Variants in RANBP17 observed in about 807,000 individuals in gnomAD.
The protein encoded by RANBP17 is RAN binding protein 17.
RANBP17 carries 158 observed loss-of-function variants against 141.2 expected under a neutral mutation model. That is an observed-to-expected ratio of 1.12 (90% CI 0.98 to 1.28). The LOEUF (loss-of-function observed/expected upper bound fraction) is 1.28, where lower values mean the gene tolerates loss of function less well. Ranked by LOEUF, RANBP17 falls within the 50% of genes most tolerant of loss-of-function variation. The probability of loss-of-function intolerance (pLI) is 0.00; values close to 1 mark genes in which losing one functional copy is unlikely to be tolerated. For missense variants in RANBP17, 1,438 were observed against 1,290.7 expected (o/e 1.11, Z -1.75); for synonymous variants, 430 against 450.0 (o/e 0.96, Z 0.56).
chr5:171,294,709 A>G (rs1238640174), intron 26 of RANBP17, among the ~76,000 whole-genome samples: 1 of 152,220 alleles, frequency 6.6e-6, no homozygotes, highest in African/African-American at 2.4e-5. Flanking sequence ...GAAGTATCCA[A>G]TTTTAGCCAC....
At chr5:171,294,973 G>A (rs897309800) in intron 26 of RANBP17, among the ~76,000 whole-genome samples, 8 of 152,166 alleles carry the variant, frequency 5.3e-5, no homozygotes, top group Admixed American at 3.3e-4. Flanking sequence ...AAGTAGTTTT[G>A]TGCATTCCCA....
intron 25 of RANBP17, among the ~76,000 whole-genome samples, chr5:171,274,312 C>T (rs1025126319): frequency 4.6e-5 from 7 of 151,994 alleles, no homozygotes; most frequent in Admixed American, 1.3e-4. Context: ...TCAAGAGATC[C>T]GTTTAGAAAG....
intron 9 of RANBP17, among the ~76,000 whole-genome samples, chr5:170,917,433 T>G (rs955825387): frequency 1.3e-5 from 2 of 152,178 alleles, no homozygotes; most frequent in African/African-American, 4.8e-5. Context: ...ATAAAATATT[T>G]TGTTTTACTT....
intron 3 of RANBP17, 63 bp downstream of exon 3, chr5:170,881,959 C>A (rs1768736262): frequency 9.1e-7 from 1 of 1,095,608 alleles, no homozygotes; most frequent in East Asian, 2.5e-5. Flanking sequence ...TTTAAATATA[C>A]TAAACTGTTA....
intron 14 of RANBP17, among the ~76,000 whole-genome samples, chr5:170,979,893 G>A (rs1171898014): frequency 6.6e-6 from 1 of 152,198 alleles, no homozygotes; most frequent in African/African-American, 2.4e-5. Context: ...TGGGTAACAG[G>A]CAGAGGTTGG....
chr5:170,995,958 T>A (rs770443154), intron 14 of RANBP17, among the ~76,000 whole-genome samples: 2 of 152,076 alleles, frequency 1.3e-5, no homozygotes, highest in Non-Finnish European at 2.9e-5. Flanking sequence ...GCCAGGATTT[T>A]CAGGCTGCAG....
chr5:171,025,325 T>C (rs1781163391), intron 14 of RANBP17, among the ~76,000 whole-genome samples: 1 of 152,198 alleles, frequency 6.6e-6, no homozygotes, highest in Non-Finnish European at 1.5e-5. Flanking sequence ...TAGAGTCCAC[T>C]GAAGAAACTG....
At chr5:171,252,846 T>C in intron 24 of RANBP17, 2 of 1,275,872 alleles carry the variant, frequency 1.6e-6, no homozygotes, top group Middle Eastern at 2.6e-4. Flanking sequence ...TAGTTAAGAG[T>C]CATGATTTTT....
chr5:170,986,122 C>T (rs1236162687), intron 14 of RANBP17, among the ~76,000 whole-genome samples: 2 of 152,076 alleles, frequency 1.3e-5, no homozygotes, highest in African/African-American at 4.8e-5. Context: ...ATAGCTTCAT[C>T]TTTCATTCTC....
chr5:170,970,315 G>A (rs995364421), intron 14 of RANBP17, among the ~76,000 whole-genome samples: 6 of 151,652 alleles, frequency 4.0e-5, no homozygotes, highest in South Asian at 2.1e-4. Context: ...CAATTAATGC[G>A]TGCTTATTTT....
At chr5:171,294,656 A>G (rs1356373569) in intron 26 of RANBP17, among the ~76,000 whole-genome samples, 1 of 152,226 alleles carries the variant, frequency 6.6e-6, no homozygotes, top group African/African-American at 2.4e-5. Flanking sequence ...GAAGAAGAAA[A>G]TATATCAAAA....
At chr5:171,171,307 C>T (rs750613498) in intron 16 of RANBP17, 21 bp downstream of exon 16, 2 of 1,359,622 alleles carry the variant, frequency 1.5e-6, no homozygotes, top group Non-Finnish European at 1.0e-6. Flanking sequence ...CACTGTATAT[C>T]TGACATTATG....
In RANBP17 at chr5:171,088,193, G is replaced by A. The variant is rs961057919; in HGVS notation, c.1711-81937G>A. Among the ~76,000 whole-genome samples, 114 of 151,878 alleles carry A rather than the reference G, an allele frequency of 7.5e-4. 1 individual carries two copies. Among genetic ancestry groups the A allele is most frequent in the African/African-American group, 2.6e-3 (109 of 41,446 alleles). ...AAAATCGGTCAGCATTTGCTTGTCT[G>A]TAAAGTATTTTATTTCTCCTTCACT... On this transcript the variant is annotated intron_variant, in intron 14 of 27. Transcript: ENST00000523189.
intron 11 of RANBP17, among the ~76,000 whole-genome samples, chr5:170,921,778 T>G (rs1772488149): frequency 6.6e-6 from 1 of 152,170 alleles, no homozygotes; most frequent in African/African-American, 2.4e-5. Flanking sequence ...ATATGCTCCT[T>G]TAGCTCGGAG....
intron 14 of RANBP17, among the ~76,000 whole-genome samples, chr5:171,120,139 T>C (rs1755924033): frequency 6.6e-6 from 1 of 152,150 alleles, no homozygotes; most frequent in Non-Finnish European, 1.5e-5. Context: ...CTCCTGTTCT[T>C]TTCCCTTACT....
chr5:170,974,058 T>C (rs182134688), intron 14 of RANBP17, among the ~76,000 whole-genome samples: 86 of 152,338 alleles, frequency 5.6e-4, no homozygotes, highest in African/African-American at 2.0e-3. Flanking sequence ...CCTTCTCATA[T>C]GCAAAACACG....
chr5:171,223,454 T>A (rs1296724910), intron 22 of RANBP17, among the ~76,000 whole-genome samples: 5 of 152,114 alleles, frequency 3.3e-5, no homozygotes, highest in African/African-American at 1.2e-4. Flanking sequence ...GCTAACATGG[T>A]GAAACCCCGT....
chr5:170,879,060 A>G (rs1021337856), intron 2 of RANBP17, among the ~76,000 whole-genome samples: 2 of 152,138 alleles, frequency 1.3e-5, no homozygotes, highest in Admixed American at 1.3e-4. Context: ...ACATTTTTCT[A>G]TTAATAACTG....
At chr5:170,923,461 T>G (rs1205269650) in intron 11 of RANBP17, among the ~76,000 whole-genome samples, 2 of 152,218 alleles carry the variant, frequency 1.3e-5, no homozygotes, top group South Asian at 2.1e-4. Flanking sequence ...CAAAATTGTT[T>G]TGGCAATTCT....
Sources: gnomAD v4.1 joint callset for allele counts (sites outside exome capture counted in the v4.1 genomes callset) on GRCh38, gnomAD v4.1.1 for gene constraint, MANE v1.5 for transcripts, NCBI Gene and HGNC (gene_info 2026-07-23, HGNC 2026-07-21) for gene names.